GSTA5: variants seen among roughly 807,000 people sequenced by gnomAD.
GSTA5 encodes the protein glutathione S-transferase alpha 5, also known as glutathione S-transferase A5.
Under a neutral mutation model 21.8 loss-of-function variants are expected in GSTA5, and 25 were observed. The observed-to-expected ratio is 1.14, with a 90% CI of 0.83 to 1.60. GSTA5 has a LOEUF of 1.60. Among genes scored for constraint, GSTA5 ranks in the 40% most tolerant of loss-of-function variants. The probability of loss-of-function intolerance (pLI) is 0.00; values close to 1 mark genes in which losing one functional copy is unlikely to be tolerated. For synonymous variants in GSTA5, 102 were observed against 89.5 expected (o/e 1.14, Z -0.78); for missense variants, 330 against 259.2 (o/e 1.27, Z -1.88).
At chr6:52,831,693 T>A in exon 6 of GSTA5, 1 of 866,592 alleles carries the variant, frequency 1.2e-6, no homozygotes. Context: ...TTAGCTAAGT[T>A]GACAGATAAG....
At position 52,834,132 on chromosome 6, in the gene GSTA5, T is replaced by C; in HGVS notation, c.414+9A>G. The C allele has an allele frequency of 6.2e-7, 1 of 1,614,156 alleles. No homozygotes were observed. The highest frequency in any genetic ancestry group is 8.5e-7 in the Non-Finnish European group (1 of 1,180,014). On this transcript the variant is annotated intron_variant, in intron 4 of 5. Coordinates refer to ENST00000370989, the Ensembl canonical transcript of GSTA5. ...TCAGTTCCCCTAAACATTGAACAGC[T>C]TCACTTACTTTTTCAAAGGCAGGGA...
chr6:52,834,203 C>T, exon 4 of GSTA5: 1 of 1,614,170 alleles, frequency 6.2e-7, no homozygotes, highest in Non-Finnish European at 8.5e-7. Context: ...GTCTTGGCAT[C>T]TCTTTCCTCT....
At chr6:52,832,071 G>A in intron 5 of GSTA5, 101 bp from the exon 6 acceptor site, 1 of 1,496,690 alleles carries the variant, frequency 6.7e-7, no homozygotes, top group Non-Finnish European at 8.9e-7. Context: ...GACCAAGCGA[G>A]TCCCCTCCAT....
upstream of GSTA5, among the ~76,000 whole-genome samples, chr6:52,845,245 C>T (rs1160900228): frequency 6.6e-6 from 1 of 152,094 alleles, no homozygotes; most frequent in Non-Finnish European, 1.5e-5. Context: ...GGTAACATAG[C>T]CTTGCTTAGC....
chr6:52,833,075 T>G lies in GSTA5; in HGVS notation c.415-85A>C. 2.0e-6 allele frequency: 3 copies of G among 1,500,484 alleles called. No homozygotes were observed. In the South Asian group the frequency reaches 3.4e-5, roughly 17 times the overall value. 92.9% of individuals were successfully genotyped at this position (1,500,484 alleles called of 1,614,324 possible). On this transcript the variant is annotated intron_variant, in intron 4 of 5. Transcript: ENST00000370989. Reference sequence around the variant, plus strand: ...TCTTTCAGAGCCTCTCCACCCTGACTTTTCCCACCTCTGTTGCCTTATTGC... The same window carrying G: ...TCTTTCAGAGCCTCTCCACCCTGACGTTTCCCACCTCTGTTGCCTTATTGC...
chr6:52,842,628 C>T (rs900616243), upstream of GSTA5, among the ~76,000 whole-genome samples: 2 of 152,116 alleles, frequency 1.3e-5, no homozygotes, highest in Non-Finnish European at 2.9e-5. Context: ...TGGTCTCAAA[C>T]ACCTGACCTC....
chr6:52,834,104 A>C (rs763692475), intron 4 of GSTA5, 37 bp downstream of exon 4: 1 of 1,613,550 alleles, frequency 6.2e-7, no homozygotes, highest in South Asian at 1.1e-5. Context: ...CTGGTGTCTA[A>C]ACTCAGTTCC....
At chr6:52,831,750 C>T (rs1183123925) in exon 6 of GSTA5, 4 of 1,414,898 alleles carry the variant, frequency 2.8e-6, no homozygotes, top group Non-Finnish European at 3.9e-6. Context: ...AGTTTATTAG[C>T]TTTACAAGAG....
At chr6:52,832,200 C>A (rs1299710493) in intron 5 of GSTA5, among the ~76,000 whole-genome samples, 1 of 152,144 alleles carries the variant, frequency 6.6e-6, no homozygotes, top group African/African-American at 2.4e-5. Flanking sequence ...TTCAGTCATC[C>A]CTATCTTTCT....
At chr6:52,840,676 G>C in intron 1 of GSTA5, 51 bp downstream of exon 1, 3 of 1,496,278 alleles carry the variant, frequency 2.0e-6, no homozygotes, top group Non-Finnish European at 2.8e-6. Flanking sequence ...GGAAAAGTAT[G>C]TGATAACGCA....
At chr6:52,842,751 A>G (rs76580471), upstream of GSTA5, among the ~76,000 whole-genome samples, 951 of 152,248 alleles carry the variant, frequency 6.2e-3, 13 homozygotes, top group African/African-American at 0.022. Flanking sequence ...AAATTTAGAC[A>G]TCAAAATCTT....
At chr6:52,832,699 A>G (rs1349224615) in intron 5 of GSTA5, among the ~76,000 whole-genome samples, 160 bp downstream of exon 5, 1 of 152,158 alleles carries the variant, frequency 6.6e-6, no homozygotes, top group Admixed American at 6.5e-5. Flanking sequence ...AAGTGTTTTC[A>G]TTCTTCAAAA....
chr6:52,834,206 T>C, exon 4 of GSTA5: 2 of 1,614,092 alleles, frequency 1.2e-6, no homozygotes, highest in South Asian at 1.1e-5. Flanking sequence ...TTGGCATCTC[T>C]TTCCTCTGGT....
chr6:52,832,915 A>G (rs1237974930), exon 5 of GSTA5: 2 of 1,614,150 alleles, frequency 1.2e-6, no homozygotes, highest in South Asian at 1.1e-5. Flanking sequence ...ACGTAGTAGA[A>G]AAGTTCCACC....
At position 52,832,747 on chromosome 6, in the gene GSTA5, AC is replaced by A; in HGVS notation, c.546+111del. ...AGCTCATTTTGGAGACCTTGGGGGC[AC>A]TGAAGGGCTGGAGAAGGGTGGGGTC... On this transcript the variant is annotated intron_variant, in intron 5 of 5. Coordinates refer to ENST00000370989, the Ensembl canonical transcript of GSTA5. 2.0e-6 allele frequency: 3 copies of A among 1,533,596 alleles called. No individual in the cohort carries two copies. In the South Asian group the frequency reaches 3.4e-5, roughly 18 times the overall value. 95.0% of individuals were successfully genotyped at this position (1,533,596 alleles called of 1,614,324 possible). A position where few individuals can be genotyped will look rare whatever the true frequency, so the allele number is the denominator to read the frequency against.
upstream of GSTA5, chr6:52,840,881 A>G (rs1764365363): frequency 7.1e-7 from 1 of 1,417,146 alleles, no homozygotes; most frequent in Non-Finnish European, 9.8e-7. Flanking sequence ...GATAGAATCA[A>G]AAATGTACTT....
chr6:52,834,410 C>T (rs529443185), intron 3 of GSTA5, 128 bp from the exon 4 acceptor site: 30 of 790,546 alleles, frequency 3.8e-5, no homozygotes, highest in Admixed American at 2.1e-4. Flanking sequence ...GCCTTTTATA[C>T]GCTAGTCATT....
At chr6:52,834,222 T>C in exon 4 of GSTA5, 1 of 1,613,840 alleles carries the variant, frequency 6.2e-7, no homozygotes, top group Non-Finnish European at 8.5e-7. Flanking sequence ...CTGGTTGACA[T>C]ATGAGCAGAA....
Position 52,833,024 on chromosome 6 carries a change from T to A in GSTA5, c.415-34A>T, listed in dbSNP as rs534481142. On this transcript the variant is annotated intron_variant, in intron 4 of 5. Coordinates refer to ENST00000370989, the Ensembl canonical transcript of GSTA5. ...TTGGAGGAATCAGATCAGGAACACA[T>A]GCACACCCAGGCTGGGACCCCTGCT... 15 of 1,613,388 alleles carry A rather than the reference T, an allele frequency of 9.3e-6. No individual in the cohort carries two copies. In the South Asian group the frequency reaches 1.6e-4, roughly 18 times the overall value.
Sources: gnomAD v4.1 joint callset for allele counts (sites outside exome capture counted in the v4.1 genomes callset) on GRCh38, gnomAD v4.1.1 for gene constraint, MANE v1.5 for transcripts, NCBI Gene and HGNC (gene_info 2026-07-23, HGNC 2026-07-21) for gene names.